Variants in UBE2W observed in about 807,000 individuals in gnomAD.
UBE2W encodes the protein ubiquitin-conjugating enzyme E2 W.
In UBE2W, 18 loss-of-function variants were observed where a neutral mutation model predicts 27.2. The observed-to-expected ratio is 0.66, with a 90% CI of 0.46 to 0.98. The LOEUF is 0.98. UBE2W is among the 50% of genes least tolerant of loss of function. The probability of loss-of-function intolerance (pLI) is 0.00; values close to 1 mark genes in which losing one functional copy is unlikely to be tolerated. For synonymous variants in UBE2W, 53 were observed against 57.2 expected, an observed-to-expected ratio of 0.93 and a Z score of 0.33; for missense variants, 90 against 180.2, an observed-to-expected ratio of 0.50 and a Z score of 2.87.
At position 73,855,394 on chromosome 8, in the gene UBE2W, CTTTTT is replaced by C. The variant is rs66577299; in HGVS notation, c.15+23409_15+23413del. On this transcript the variant is annotated intron_variant, in intron 1 of 5. Transcript: ENST00000602593. The stretch of plus-strand genomic sequence containing the variant: ...ATACTTCATCTTTATATTCTACTTT[CTTTTT>C]TTTTTTTTTTTTTTTTTTTTGAGAC... Among the ~76,000 whole-genome samples the C allele has an allele frequency of 8.4e-3, 709 of 84,708 alleles. 3 individuals carry two copies. The highest frequency in any genetic ancestry group is 0.03 in the African/African-American group (583 of 19,400). The allele number at this position is 84,708 out of a possible 152,430, so 55.6% of individuals were successfully genotyped here. A position where few individuals can be genotyped will look rare whatever the true frequency, so the allele number is the denominator to read the frequency against.
At chr8:73,803,229 A>T (rs1050533722) in intron 5 of UBE2W, among the ~76,000 whole-genome samples, 2 of 152,146 alleles carry the variant, frequency 1.3e-5, no homozygotes, top group African/African-American at 4.8e-5. Context: ...AAATAAATAA[A>T]AAATAAATAA....
chr8:73,834,043 G>T (rs183425493), intron 1 of UBE2W: 68 of 152,302 alleles, frequency 4.5e-4, no homozygotes, highest in Admixed American at 3.0e-3. Flanking sequence ...TACACCCAGC[G>T]TAAGTCTTTT....
rs374368559 is a variant in UBE2W at position 73,818,726 on chromosome 8, G to A, written c.210+6421C>T. Among the ~76,000 whole-genome samples the A allele has an allele frequency of 3.9e-5, 6 of 152,284 alleles. No homozygotes were observed. In the East Asian group the frequency reaches 7.7e-4, roughly 20 times the overall value. Reference sequence around the variant, plus strand: ...TCATGAATGGCTTGGTGATGTCCTCGACAGTGAATGAGTTCTCTTGAGATC... The same window carrying A: ...TCATGAATGGCTTGGTGATGTCCTCAACAGTGAATGAGTTCTCTTGAGATC... On this transcript the variant is annotated intron_variant, in intron 3 of 5. Coordinates refer to ENST00000602593, the MANE Select transcript of UBE2W (RefSeq NM_018299.6).
downstream of UBE2W, among the ~76,000 whole-genome samples, chr8:73,783,056 A>G (rs796283257): frequency 6.6e-6 from 1 of 152,310 alleles, no homozygotes; most frequent in East Asian, 1.9e-4. Flanking sequence ...TGCCATTCCT[A>G]TATTCTCTTT....
At chr8:73,857,719 G>A (rs867098521) in intron 1 of UBE2W, among the ~76,000 whole-genome samples, 2 of 152,140 alleles carry the variant, frequency 1.3e-5, no homozygotes, top group Admixed American at 6.6e-5. Flanking sequence ...AGGAAGCTGA[G>A]GCAGGAAAAC....
intron 4 of UBE2W, among the ~76,000 whole-genome samples, chr8:73,807,380 G>A (rs992944440): frequency 2.0e-5 from 3 of 152,178 alleles, no homozygotes; most frequent in Non-Finnish European, 4.4e-5. Flanking sequence ...TCGTGAGTAG[G>A]ACTCTGTGAT....
At chr8:73,805,969 A>G (rs552671608) in intron 4 of UBE2W, among the ~76,000 whole-genome samples, 1 of 152,296 alleles carries the variant, frequency 6.6e-6, no homozygotes, top group East Asian at 1.9e-4. Flanking sequence ...CCTGGCCAAC[A>G]TGGTGAAACC....
intron 1 of UBE2W, among the ~76,000 whole-genome samples, chr8:73,856,256 T>C (rs2130960564): frequency 6.6e-6 from 1 of 152,184 alleles, no homozygotes; most frequent in Non-Finnish European, 1.5e-5. Context: ...ATTTTCAATT[T>C]AACATTGTAG....
chr8:73,826,818 T>C (rs76869330), intron 2 of UBE2W, among the ~76,000 whole-genome samples: 4 of 152,370 alleles, frequency 2.6e-5, no homozygotes, highest in East Asian at 1.9e-4. Flanking sequence ...CATAGTGTTG[T>C]TGGAAAGATA....
intron 3 of UBE2W, among the ~76,000 whole-genome samples, chr8:73,821,995 T>A (rs1809632688): frequency 6.6e-6 from 1 of 152,098 alleles, no homozygotes; most frequent in African/African-American, 2.4e-5. Context: ...AATCCCTCTA[T>A]CTTTAACCTC....
chr8:73,859,004 GT>G (rs1177562834), intron 1 of UBE2W, among the ~76,000 whole-genome samples: 1 of 151,088 alleles, frequency 6.6e-6, no homozygotes, highest in African/African-American at 2.4e-5. Context: ...GTGTGTGTGT[GT>G]GTGTGTGTGT....
intron 3 of UBE2W, among the ~76,000 whole-genome samples, chr8:73,813,550 AG>A (rs1809262412): frequency 6.6e-6 from 1 of 152,250 alleles, no homozygotes; most frequent in Non-Finnish European, 1.5e-5. Flanking sequence ...AACCAAAACC[AG>A]GGGAATTGCA....
intron 1 of UBE2W, among the ~76,000 whole-genome samples, chr8:73,866,285 AAAAAAATATATAT>A (rs1282325830): frequency 5.6e-5 from 6 of 107,848 alleles, no homozygotes; most frequent in African/African-American, 2.1e-4. Flanking sequence ...AAAAAAAAAA[AAAAAAATATATAT>A]ATATATATAT....
chr8:73,867,935 C>T (rs183313749), intron 1 of UBE2W, among the ~76,000 whole-genome samples: 1 of 152,292 alleles, frequency 6.6e-6, no homozygotes, highest in Admixed American at 6.5e-5. Flanking sequence ...GCACAGTGCT[C>T]ACAGGAATGC....
intron 1 of UBE2W, among the ~76,000 whole-genome samples, chr8:73,863,274 T>C (rs1811602507): frequency 6.9e-6 from 1 of 144,076 alleles, no homozygotes; most frequent in African/African-American, 2.7e-5. Context: ...TCATGTCCTT[T>C]GTAGGGACAT....
At chr8:73,869,082 G>C (rs1291295245) in intron 1 of UBE2W, among the ~76,000 whole-genome samples, 1 of 152,160 alleles carries the variant, frequency 6.6e-6, no homozygotes, top group African/African-American at 2.4e-5. Flanking sequence ...CCATTACTTG[G>C]CTACGAAAAG....
chr8:73,843,095 A>G (rs539636499), intron 1 of UBE2W, among the ~76,000 whole-genome samples: 9 of 152,332 alleles, frequency 5.9e-5, no homozygotes, highest in African/African-American at 2.2e-4. Context: ...ATATTGTATG[A>G]TATCACTGAT....
At chr8:73,840,016 G>A (rs1268672319) in intron 1 of UBE2W, among the ~76,000 whole-genome samples, 4 of 149,948 alleles carry the variant, frequency 2.7e-5, no homozygotes, top group African/African-American at 9.8e-5. Flanking sequence ...GATTACAGGT[G>A]TTGAGCCACC....
chr8:73,784,243 T>C (rs1343209385), downstream of UBE2W, among the ~76,000 whole-genome samples: 1 of 152,198 alleles, frequency 6.6e-6, no homozygotes, highest in Non-Finnish European at 1.5e-5. Context: ...TTTTCCTGCC[T>C]TGATGCTCAC....
Sources: gnomAD v4.1 joint callset for allele counts (sites outside exome capture counted in the v4.1 genomes callset) on GRCh38, gnomAD v4.1.1 for gene constraint, MANE v1.5 for transcripts, NCBI Gene and HGNC (gene_info 2026-07-23, HGNC 2026-07-21) for gene names.